The following HYAL1 variants were observed in gnomAD, a reference collection of about 807,000 sequenced individuals.
The protein encoded by HYAL1 is hyaluronidase 1.
In HYAL1, 21 loss-of-function variants were observed where a neutral mutation model predicts 28.8. That is an observed-to-expected ratio of 0.73 (90% confidence interval 0.52 to 1.05). HYAL1 has a LOEUF of 1.05. Among genes scored for constraint, HYAL1 ranks in the 50% least tolerant of loss-of-function variants. HYAL1 has a pLI of 0.00. For missense variants in HYAL1, 491 were observed against 579.2 expected (o/e 0.85, Z 1.56); for synonymous variants, 200 against 230.1 (o/e 0.87, Z 1.18).
At chr3:50,301,780 G>C (rs1553712969) in intron 2 of HYAL1, among the ~76,000 whole-genome samples, 1 of 151,982 alleles carries the variant, frequency 6.6e-6, no homozygotes, top group Non-Finnish European at 1.5e-5. Flanking sequence ...GTGAAACCCT[G>C]ACTCTACTAA....
intron 1 of HYAL1, among the ~76,000 whole-genome samples, chr3:50,311,749 C>T (rs1328255459): frequency 2.8e-5 from 4 of 143,136 alleles, no homozygotes; most frequent in African/African-American, 1.1e-4. Flanking sequence ...ACGGACGGGG[C>T]GGCTGGCTGG....
In HYAL1 at chr3:50,302,252, C is replaced by A; in HGVS notation, c.705G>T (p.Leu235=). 1 of 1,613,988 alleles carries A rather than the reference C, an allele frequency of 6.2e-7. No individual in the cohort carries two copies. The highest frequency in any genetic ancestry group is 8.5e-7 in the Non-Finnish European group (1 of 1,180,032). The change falls in exon 2 of 4, where the codon CTG becomes CTT. Residue 235 remains leucine (L), a synonymous_variant. Coordinates refer to ENST00000395144, the MANE Select transcript of HYAL1 (RefSeq NM_033159.4). This position sits in a 1 kb window ranked among gnomAD's most constrained non-coding sequence, Gnocchi z 5.0. The part of the protein sequence containing the change: ...IRAQNDQLGW[L]WGQSRALYPS... ...GATAGAGGGCACGGCTCTGGCCCCACAGCCACCCTAGCTGGTCATTTTGGG... is the reference window on the plus strand; with the variant it reads ...GATAGAGGGCACGGCTCTGGCCCCAAAGCCACCCTAGCTGGTCATTTTGGG...
chr3:50,308,457 T>C (rs1702381896), upstream of HYAL1, among the ~76,000 whole-genome samples: 1 of 150,608 alleles, frequency 6.6e-6, no homozygotes, highest in African/African-American at 2.5e-5. Flanking sequence ...ATTATTATTA[T>C]TATTTTTTGA....
At chr3:50,309,986 A>G (rs587651280) in intron 1 of HYAL1, among the ~76,000 whole-genome samples, 1 of 151,572 alleles carries the variant, frequency 6.6e-6, no homozygotes, top group East Asian at 1.9e-4. Context: ...GTATACAAAT[A>G]TTTAGGCCAA....
chr3:50,311,575 A>AC (rs1419720393), intron 1 of HYAL1, among the ~76,000 whole-genome samples: 5 of 103,678 alleles, frequency 4.8e-5, no homozygotes, highest in East Asian at 3.2e-4. Flanking sequence ...CGGGGGGCTG[A>AC]CCCCCCCACC....
In HYAL1 at chr3:50,302,871, T is replaced by C. The variant is rs1347126500; in HGVS notation, c.86A>G (p.Asn29Ser). The C allele has an allele frequency of 6.8e-6, 11 of 1,612,964 alleles. No homozygotes were observed. The South Asian group carries it at 7.7e-5, about 11-fold the overall frequency. The change falls in exon 2 of 4, where the codon AAC becomes AGC. Residue 29 changes from asparagine to serine, a missense_variant. Asn to Ser is a conservative substitution (Grantham distance 46). Transcript: ENST00000395144. This position sits in a 1 kb window ranked among gnomAD's most constrained non-coding sequence, Gnocchi z 5.0. ...ATTCCAGACGGTGGTGAAGGGCCGG[T>C]TGGGTAGCAAGGGGCCCCTAAAGCC... is the stretch of plus-strand genomic sequence containing the variant. ...AQGFRGPLLP[N>S]RPFTTVWNAN...
At chr3:50,307,499 T>C (rs1468421840), upstream of HYAL1, among the ~76,000 whole-genome samples, 5 of 150,088 alleles carry the variant, frequency 3.3e-5, no homozygotes, top group Non-Finnish European at 7.4e-5. Flanking sequence ...GCTAACATGG[T>C]GATACCCTGT....
At position 50,302,168 on chromosome 3, in the gene HYAL1, T is replaced by C. The variant is rs1702190189; in HGVS notation, c.789A>G (p.Gln263=). ...CACGGAATGCCTCGGCCACACGGTG[T>C]TGCACATACATCTGTGACTTCCCTG... ...EGTGKSQMYV[Q]HRVAEAFRVA... The change falls in exon 2 of 4, where the codon CAA becomes CAG. Residue 263 remains glutamine, a synonymous_variant. Coordinates refer to ENST00000395144, the MANE Select transcript of HYAL1 (RefSeq NM_033159.4). The surrounding 1 kb of genome is among the most constrained non-coding windows in gnomAD (Gnocchi z 5.0). 1.2e-6 allele frequency: 2 copies of C among 1,614,168 alleles called. No individual in the cohort carries two copies. The highest frequency in any genetic ancestry group is 1.7e-6 in the Non-Finnish European group (2 of 1,180,038).
At chr3:50,311,207 G>A (rs1702441154) in intron 1 of HYAL1, among the ~76,000 whole-genome samples, 2 of 148,648 alleles carry the variant, frequency 1.3e-5, no homozygotes, top group African/African-American at 2.5e-5. Context: ...CCTCCCGGAC[G>A]GGGTGGCTGG....
chr3:50,300,639 A>G lies in HYAL1; in HGVS notation c.1152T>C (p.Pro384=). ...SHPKALLLLN[P]ASFSIQLTPG... The stretch of plus-strand genomic sequence containing the variant: ...GCGTGAGCTGGATGGAGAAACTGGC[A>G]GGGTTAAGGAGGAGGAGGGCTTTGG... The change falls in exon 4 of 4, where the codon CCT becomes CCC. Residue 384 remains proline, a synonymous_variant. Transcript: ENST00000395144. 1 of 1,614,008 alleles carries G rather than the reference A, an allele frequency of 6.2e-7. No individual in the cohort carries two copies. Among genetic ancestry groups the G allele is most frequent in the Non-Finnish European group, 8.5e-7 (1 of 1,179,916 alleles).
upstream of HYAL1, among the ~76,000 whole-genome samples, chr3:50,306,223 T>C (rs1479697688): frequency 7.1e-6 from 1 of 140,550 alleles, no homozygotes; most frequent in Non-Finnish European, 1.5e-5. Flanking sequence ...ACAACTCTTT[T>C]TTTTTTTTTT....
At position 50,302,649 on chromosome 3, in the gene HYAL1, A is replaced by G; in HGVS notation, c.308T>C (p.Ile103Thr). 1.9e-6 allele frequency: 3 copies of G among 1,614,170 alleles called. No individual in the cohort carries two copies. The highest frequency in any genetic ancestry group is 2.5e-6 in the Non-Finnish European group (3 of 1,180,032). The change falls in exon 2 of 4, where the codon ATT (isoleucine) becomes ACT (threonine). Residue 103 changes from isoleucine to threonine, a missense_variant. Ile to Thr is a moderately conservative substitution (Grantham distance 89, BLOSUM62 -1). Coordinates refer to ENST00000395144, the MANE Select transcript of HYAL1 (RefSeq NM_033159.4). This position sits in a 1 kb window ranked among gnomAD's most constrained non-coding sequence, Gnocchi z 5.0. ...CTGGAATGTGCGGGCCAGGTGGGCA[A>G]TCAGGCTGGCATTCTGGGGCAGACC... ...FGGLPQNASLIAHLARTFQDI... is the reference protein window; with the variant it reads ...FGGLPQNASLTAHLARTFQDI...
chr3:50,300,988 C>T lies in HYAL1; in HGVS notation c.990G>A (p.Lys330=). 2 of 1,518,312 alleles carry T rather than the reference C, an allele frequency of 1.3e-6. No homozygotes were observed. The highest frequency in any genetic ancestry group is 2.4e-5 in the East Asian group (1 of 41,512). The allele number at this position is 1,518,312 out of a possible 1,614,324, so 94.1% of individuals were successfully genotyped here. Residue 330 remains lysine (K), a splice_region_variant and synonymous_variant, in exon 3 of 4, where the codon AAG becomes AAA. Transcript: ENST00000395144. ...LWVSWENTRT[K]ESCQAIKEYM... is the part of the protein sequence containing the mutation. The stretch of plus-strand genomic sequence containing the variant: ...ACCCTCATGCCAGGCCTAAGCTCAC[C>T]TTGGTTCTTGTATTTTCCCAGCTCA...
rs1471550375 is a variant in HYAL1, at chr3:50,302,560, A to C, written c.397T>G (p.Trp133Gly). ...CAGTTGAAGGCCCAGCGTGGGCGCC[A>C]TGCCTCCCAGTCGATGACTGCCAGC... ...SGLAVIDWEAWRPRWAFNWDT... is the reference protein window; with the variant it reads ...SGLAVIDWEAGRPRWAFNWDT... The change falls in exon 2 of 4, where the codon TGG becomes GGG. Residue 133 changes from tryptophan to glycine, a missense_variant. Physicochemically the swap from Trp to Gly is radical, Grantham distance 184. Transcript: ENST00000395144. The surrounding 1 kb of genome is among the most constrained non-coding windows in gnomAD (Gnocchi z 5.0). 2 of 1,614,030 alleles carry C rather than the reference A, an allele frequency of 1.2e-6. No individual in the cohort carries two copies. Among genetic ancestry groups the C allele is most frequent in the African/African-American group, 2.7e-5 (2 of 74,932 alleles).
At chr3:50,307,496 T>C (rs587629932), upstream of HYAL1, among the ~76,000 whole-genome samples, 27 of 150,294 alleles carry the variant, frequency 1.8e-4, 1 homozygote, top group African/African-American at 6.2e-4. Flanking sequence ...CTGGCTAACA[T>C]GGTGATACCC....
At chr3:50,300,919 G>A (rs1343022164) in intron 3 of HYAL1, 69 bp downstream of exon 3, 2 of 1,503,448 alleles carry the variant, frequency 1.3e-6, no homozygotes, top group Admixed American at 3.7e-5. Context: ...GGTAAGTCAG[G>A]GTCTACCCCG....
At chr3:50,312,113 G>A (rs1171222985) in intron 1 of HYAL1, among the ~76,000 whole-genome samples, 1 of 146,808 alleles carries the variant, frequency 6.8e-6, no homozygotes, top group East Asian at 2.0e-4. Flanking sequence ...TGGCCGGGCG[G>A]GGGGCTGACC....
chr3:50,310,967 T>C (rs1379827592), intron 1 of HYAL1, among the ~76,000 whole-genome samples: 239 of 151,310 alleles, frequency 1.6e-3, no homozygotes, highest in African/African-American at 2.8e-3. Context: ...TTTCTTAGTA[T>C]AGAACAAAAT....
chr3:50,303,086 G>T (rs587646679), intron 1 of HYAL1, 106 bp from the exon 2 acceptor site: 447 of 900,282 alleles, frequency 5.0e-4, no homozygotes, highest in Non-Finnish European at 7.1e-4. Context: ...CGCTGCTCTG[G>T]TTTCTGTTAA....
Sources: gnomAD v4.1 joint callset for allele counts (sites outside exome capture counted in the v4.1 genomes callset) on GRCh38, gnomAD v4.1.1 for gene constraint, Gnocchi (gnomAD v3.1) non-coding constraint, MANE v1.5 for transcripts, NCBI Gene and HGNC (gene_info 2026-07-23, HGNC 2026-07-21) for gene names.